RBFOX1: variants seen among roughly 807,000 people sequenced by gnomAD.
RBFOX1 encodes the protein RNA binding fox-1 homolog 1, also known as RNA binding protein fox-1 homolog 1.
Under a neutral mutation model 57.7 loss-of-function variants are expected in RBFOX1, and 8 were observed. The ratio of observed to expected loss-of-function variants is 0.14; its 90% CI spans 0.08 to 0.25. The LOEUF is 0.25. RBFOX1 is among the 10% of genes least tolerant of loss of function. The pLI is 1.00. For missense variants in RBFOX1, 611 were observed against 548.5 expected (o/e 1.11, Z -1.14); for synonymous variants, 326 against 222.4 (o/e 1.47, Z -4.15).
Position 6,559,111 on chromosome 16 carries a change from A to ATGTGTG in RBFOX1, c.-63-95474_-63-95469dup, listed in dbSNP as rs34909448. Among the ~76,000 whole-genome samples, 499 of 149,910 alleles carry ATGTGTG rather than the reference A, an allele frequency of 3.3e-3. 3 individuals carry two copies. The highest frequency in any genetic ancestry group is 0.012 in the African/African-American group (479 of 40,764). On this transcript the variant is annotated intron_variant, in intron 2 of 15. Transcript: ENST00000550418. Reference sequence around the variant, plus strand: ...CTTTTCCTCCAGTTTATATATACATATGTGTGTGTGTGTGTGTGTGTGTAT... The same window carrying ATGTGTG: ...CTTTTCCTCCAGTTTATATATACATATGTGTGTGTGTGTGTGTGTGTGTGTGTGTAT...
chr16:6,872,172 CGTCT>C (rs778606144), intron 3 of RBFOX1, among the ~76,000 whole-genome samples: 2 of 152,118 alleles, frequency 1.3e-5, no homozygotes, highest in Non-Finnish European at 2.9e-5. Context: ...AGCAGTACTA[CGTCT>C]GTCTTAGTCA....
At chr16:5,992,469 A>C (rs374922580) in intron 4 of RBFOX1, among the ~76,000 whole-genome samples, 1 of 152,196 alleles carries the variant, frequency 6.6e-6, no homozygotes, top group African/African-American at 2.4e-5. Context: ...TTTTGACAGG[A>C]TCCCCCAACT....
chr16:6,576,258 G>T (rs955390613), intron 2 of RBFOX1, among the ~76,000 whole-genome samples: 1 of 152,146 alleles, frequency 6.6e-6, no homozygotes, highest in Non-Finnish European at 1.5e-5. Flanking sequence ...GACCACTCTG[G>T]TCAGGATGTG....
intron 3 of RBFOX1, among the ~76,000 whole-genome samples, chr16:6,669,213 G>A (rs1041769494): frequency 6.6e-5 from 10 of 152,154 alleles, no homozygotes; most frequent in Admixed American, 2.0e-4. Flanking sequence ...GTGATGGAAC[G>A]TGATGCAATA....
At chr16:7,477,340 C>A (rs79532523) in intron 4 of RBFOX1, among the ~76,000 whole-genome samples, 2,105 of 152,242 alleles carry the variant, frequency 0.014, 43 homozygotes, top group African/African-American at 0.047. Context: ...TATCTCCAAA[C>A]AGCCCTAAAT....
chr16:6,340,946 A>G (rs1451682223), intron 2 of RBFOX1, among the ~76,000 whole-genome samples: 1 of 152,140 alleles, frequency 6.6e-6, no homozygotes, highest in Non-Finnish European at 1.5e-5. Flanking sequence ...AGCATTAGGA[A>G]AACCAGAAGA....
intron 2 of RBFOX1, among the ~76,000 whole-genome samples, chr16:6,542,405 C>T (rs8052781): frequency 1.3e-5 from 2 of 148,610 alleles, no homozygotes; most frequent in African/African-American, 4.9e-5. Context: ...GTGCTTTCCT[C>T]TGAGCTCAAC....
At chr16:5,714,098 A>G (rs1369114816) in intron 3 of RBFOX1, among the ~76,000 whole-genome samples, 2 of 152,188 alleles carry the variant, frequency 1.3e-5, no homozygotes, top group Non-Finnish European at 2.9e-5. Flanking sequence ...CTTTGCACAG[A>G]AGAGCTAGGG....
At chr16:6,166,212 A>T (rs11077008) in intron 1 of RBFOX1, among the ~76,000 whole-genome samples, 15,274 of 152,192 alleles carry the variant, frequency 0.1, 858 homozygotes, top group Middle Eastern at 0.17. Context: ...CCTATTGCTA[A>T]AACGTCTTCC....
rs150150275 is a variant in RBFOX1, at chr16:7,409,287, G to T, written c.28-108860G>T. Among the ~76,000 whole-genome samples, 48 of 152,328 alleles carry T rather than the reference G, an allele frequency of 3.2e-4. No homozygotes were observed. In the East Asian group the frequency reaches 9.1e-3, roughly 29 times the overall value. ...AGGAGCTTTGTCCGATCTGCCTGTAGCTTTGTTCTGAACCGTTCAGTAACA... is the reference window on the plus strand; with the variant it reads ...AGGAGCTTTGTCCGATCTGCCTGTATCTTTGTTCTGAACCGTTCAGTAACA... On this transcript the variant is annotated intron_variant, in intron 4 of 15. Coordinates refer to ENST00000550418, the MANE Select transcript of RBFOX1 (RefSeq NM_018723.4).
chr16:7,004,475 C>T (rs1196770388), intron 3 of RBFOX1, among the ~76,000 whole-genome samples: 1 of 152,258 alleles, frequency 6.6e-6, no homozygotes, highest in Non-Finnish European at 1.5e-5. Context: ...GTTTGGAGCC[C>T]AGCCCAGGTT....
rs563435980 is a variant in RBFOX1, at chr16:7,530,202, C to G, written c.270+11813C>G. Among the ~76,000 whole-genome samples, 14 of 152,220 alleles carry G rather than the reference C, an allele frequency of 9.2e-5. No homozygotes were observed. The South Asian group carries it at 2.3e-3, about 25-fold the overall frequency. ...CTCAGGTTCAGAGACAGAAAGTGAC[C>G]TGCCTGAGTCACACAGTGAGTATCA... On this transcript the variant is annotated intron_variant, in intron 5 of 15. Transcript: ENST00000550418.
At chr16:6,917,346 G>A (rs890335842) in intron 3 of RBFOX1, among the ~76,000 whole-genome samples, 1 of 152,202 alleles carries the variant, frequency 6.6e-6, no homozygotes, top group African/African-American at 2.4e-5. Flanking sequence ...GGTGAAATCA[G>A]TATATGGGAT....
rs77285276 is a variant in RBFOX1 at position 5,486,501 on chromosome 16, G to A, written c.258+19247G>A. ...CTTGGCTTGGGTAGATGGGGAAGCC[G>A]GATGGAAGAAGGTCTGTGCAGTGAC... On this transcript the variant is annotated intron_variant, in intron 2 of 2. Transcript: ENST00000585867. 5.4e-4 allele frequency among the ~76,000 whole-genome samples: 83 copies of A among 152,310 alleles called. 1 individual carries two copies. The East Asian group carries it at 0.01, about 19-fold the overall frequency.
chr16:6,736,492 C>T (rs533474978), intron 3 of RBFOX1, among the ~76,000 whole-genome samples: 2 of 152,276 alleles, frequency 1.3e-5, no homozygotes, highest in East Asian at 1.9e-4. Context: ...TTAATTCATT[C>T]GTTTTTATGG....
intron 7 of RBFOX1, among the ~76,000 whole-genome samples, chr16:7,589,214 C>A (rs1003813152): frequency 3.3e-5 from 5 of 152,178 alleles, no homozygotes; most frequent in Admixed American, 3.3e-4. Flanking sequence ...CTGTCTATAG[C>A]AGCACTGCCT....
At chr16:6,306,032 C>T (rs967532347) in intron 1 of RBFOX1, among the ~76,000 whole-genome samples, 1 of 152,140 alleles carries the variant, frequency 6.6e-6, no homozygotes, top group Admixed American at 6.5e-5. Context: ...CACTCCTTCA[C>T]TGAGCCCATA....
intron 3 of RBFOX1, among the ~76,000 whole-genome samples, chr16:6,668,268 T>C (rs1488364598): frequency 6.6e-6 from 1 of 152,174 alleles, no homozygotes; most frequent in Non-Finnish European, 1.5e-5. Context: ...TTGTGGCATG[T>C]GGGTTCTCCC....
At chr16:7,096,959 A>T (rs1271598640) in intron 4 of RBFOX1, among the ~76,000 whole-genome samples, 1 of 142,802 alleles carries the variant, frequency 7.0e-6, no homozygotes, top group African/African-American at 2.6e-5. Context: ...AAAAGGACTG[A>T]GAATAGGGAA....
Sources: gnomAD v4.1 joint callset for allele counts (sites outside exome capture counted in the v4.1 genomes callset) on GRCh38, gnomAD v4.1.1 for gene constraint, MANE v1.5 for transcripts, NCBI Gene and HGNC (gene_info 2026-07-23, HGNC 2026-07-21) for gene names.